Variants in NPAS3 observed in about 807,000 individuals in gnomAD.
NPAS3 encodes neuronal PAS domain-containing protein 3.
NPAS3 carries 14 observed loss-of-function variants against 73.1 expected under a neutral mutation model. The observed-to-expected ratio is 0.19, with a 90% CI of 0.13 to 0.30. NPAS3 has a LOEUF of 0.30. Among genes scored for constraint, NPAS3 ranks in the 10% least tolerant of loss-of-function variants. The pLI is 1.00. For missense variants in NPAS3, 1,096 were observed against 1,250.0 expected (o/e 0.88, Z 1.86); for synonymous variants, 620 against 541.5 (o/e 1.14, Z -2.01).
At chr14:33,452,967 G>C (rs1229569872) in intron 4 of NPAS3, among the ~76,000 whole-genome samples, 1 of 152,024 alleles carries the variant, frequency 6.6e-6, no homozygotes, top group East Asian at 1.9e-4. Context: ...AAAATGAAAG[G>C]AAATTAGGTA....
At chr14:33,139,002 T>C (rs2043943782) in intron 2 of NPAS3, among the ~76,000 whole-genome samples, 1 of 152,226 alleles carries the variant, frequency 6.6e-6, no homozygotes, top group African/African-American at 2.4e-5. Flanking sequence ...AGTAAAGCTA[T>C]AGCTGGCAAA....
chr14:33,413,899 C>A (rs747923214), intron 4 of NPAS3, among the ~76,000 whole-genome samples: 1 of 152,048 alleles, frequency 6.6e-6, no homozygotes, highest in Non-Finnish European at 1.5e-5. Flanking sequence ...TAAATTCCAT[C>A]ACATTCCAAC....
chr14:33,212,466 T>TA (rs34358905), intron 2 of NPAS3, among the ~76,000 whole-genome samples: 143,642 of 151,842 alleles, frequency 0.95, 68,160 homozygotes, highest in Non-Finnish European at 0.98. Context: ...GGAGGTAGGA[T>TA]AAAAAAAACA....
intron 1 of NPAS3, among the ~76,000 whole-genome samples, chr14:33,048,656 G>A (rs1012805149): frequency 6.6e-6 from 1 of 152,114 alleles, no homozygotes; most frequent in Non-Finnish European, 1.5e-5. Flanking sequence ...GTAGTTCCAG[G>A]TATGGTACTG....
chr14:33,455,939 G>A (rs1325128484), intron 4 of NPAS3, among the ~76,000 whole-genome samples: 1 of 152,120 alleles, frequency 6.6e-6, no homozygotes, highest in African/African-American at 2.4e-5. Context: ...AAGACACACA[G>A]GGCCATCTTC....
At chr14:33,202,428 C>A (rs80256635) in intron 2 of NPAS3, among the ~76,000 whole-genome samples, 28 of 151,778 alleles carry the variant, frequency 1.8e-4, no homozygotes, top group Admixed American at 1.3e-3. Flanking sequence ...GAAATGTTAC[C>A]GATATTTGTC....
rs142099636 is a variant in NPAS3 at position 32,998,796 on chromosome 14, G to A, written c.51-57109G>A. Among the ~76,000 whole-genome samples the A allele has an allele frequency of 6.6e-4, 100 of 152,322 alleles. 2 individuals are homozygous for A. The East Asian group carries it at 0.016, about 25-fold the overall frequency. On this transcript the variant is annotated intron_variant, in intron 1 of 11. Coordinates refer to ENST00000356141, the Ensembl canonical transcript of NPAS3. ...TCTTCTTCCTGTCTTCTTTCTTGGT[G>A]AAGAACAGTAGTGCTGGCTCCTCTA... is the stretch of plus-strand genomic sequence containing the variant.
At chr14:32,957,264 T>C (rs1001899541) in intron 1 of NPAS3, among the ~76,000 whole-genome samples, 3 of 152,180 alleles carry the variant, frequency 2.0e-5, no homozygotes, top group Admixed American at 1.3e-4. Context: ...TATTATATAT[T>C]AAACATAGTG....
At chr14:33,133,900 A>G (rs572823116) in intron 2 of NPAS3, among the ~76,000 whole-genome samples, 3 of 152,350 alleles carry the variant, frequency 2.0e-5, no homozygotes, top group African/African-American at 7.2e-5. Context: ...CAAAAGCTGT[A>G]GAAAACAAGT....
chr14:33,151,242 C>CAAGGA (rs2044432230), intron 2 of NPAS3, among the ~76,000 whole-genome samples: 1 of 152,222 alleles, frequency 6.6e-6, no homozygotes, highest in Non-Finnish European at 1.5e-5. Flanking sequence ...ACTGCTCCCA[C>CAAGGA]AAGGAGGCCT....
Position 33,252,057 on chromosome 14 carries a change from CTGTGTG to C in NPAS3, c.385+36661_385+36666del, listed in dbSNP as rs3057325. On this transcript the variant is annotated intron_variant, in intron 3 of 11. Transcript: ENST00000356141. The stretch of plus-strand genomic sequence containing the variant: ...CGTGGGTGTTTGCGTGTGTGTGTGT[CTGTGTG>C]TGTGTGTGTGTGTGTGTGTGTGTGT... 8.6e-3 allele frequency among the ~76,000 whole-genome samples: 1,246 copies of C among 145,172 alleles called. 3 individuals are homozygous for C. The highest frequency in any genetic ancestry group is 0.015 in the South Asian group (69 of 4,490).
intron 2 of NPAS3, among the ~76,000 whole-genome samples, chr14:33,142,191 C>T (rs1278773223): frequency 2.4e-4 from 9 of 38,100 alleles, no homozygotes; most frequent in Admixed American, 4.2e-4. Flanking sequence ...TTTGTATAAG[C>T]TTTTTTTTTT....
chr14:33,581,395 CACA>C (rs1293007092), intron 5 of NPAS3, among the ~76,000 whole-genome samples: 1 of 152,020 alleles, frequency 6.6e-6, no homozygotes, highest in Admixed American at 6.6e-5. Context: ...GCATCAAATT[CACA>C]ACAAAAATTT....
At chr14:33,468,277 C>T (rs1051556782) in intron 4 of NPAS3, among the ~76,000 whole-genome samples, 4 of 152,124 alleles carry the variant, frequency 2.6e-5, no homozygotes, top group African/African-American at 9.7e-5. Context: ...TCATGGAAGG[C>T]AGAAAAGCTG....
intron 2 of NPAS3, among the ~76,000 whole-genome samples, chr14:33,159,615 G>A (rs532093785): frequency 8.7e-4 from 129 of 147,700 alleles, no homozygotes; most frequent in Non-Finnish European, 1.6e-3. Context: ...GTGCAGTGGC[G>A]CAATCTTGGC....
chr14:32,937,860 A>C (rs2035748212), upstream of NPAS3, among the ~76,000 whole-genome samples: 1 of 152,122 alleles, frequency 6.6e-6, no homozygotes. Flanking sequence ...CTGCGTAAAA[A>C]GCTGTCCACA....
intron 11 of NPAS3, among the ~76,000 whole-genome samples, chr14:33,798,017 C>A (rs2063565098): frequency 1.3e-5 from 2 of 151,864 alleles, no homozygotes; most frequent in Non-Finnish European, 2.9e-5. Context: ...CAGAAGGAGC[C>A]CTGCTCTAAC....
chr14:33,516,458 G>A (rs574741164), intron 4 of NPAS3, among the ~76,000 whole-genome samples: 2 of 152,186 alleles, frequency 1.3e-5, no homozygotes, highest in Admixed American at 6.5e-5. Flanking sequence ...GGAATAGATC[G>A]TAGCTACGTG....
chr14:33,240,927 C>A (rs1414754855), intron 3 of NPAS3, among the ~76,000 whole-genome samples: 1 of 151,772 alleles, frequency 6.6e-6, no homozygotes, highest in African/African-American at 2.4e-5. Context: ...AATTAATTGC[C>A]ATTTGTGAAT....
Sources: gnomAD v4.1 joint callset for allele counts (sites outside exome capture counted in the v4.1 genomes callset) on GRCh38, gnomAD v4.1.1 for gene constraint, MANE v1.5 for transcripts, NCBI Gene and HGNC (gene_info 2026-07-23, HGNC 2026-07-21) for gene names.